The following MCM10 variants were observed in gnomAD, a reference collection of about 807,000 sequenced individuals.
MCM10 encodes the protein minichromosome maintenance 10 replication initiation factor.
MCM10 carries 91 observed loss-of-function variants against 109.9 expected under a neutral mutation model. The observed-to-expected ratio is 0.83, with a 90% CI of 0.70 to 0.99. The LOEUF (loss-of-function observed/expected upper bound fraction) is 0.99, where lower values mean the gene tolerates loss of function less well. MCM10 is among the 50% of genes least tolerant of loss of function. The pLI is 0.00. For missense variants in MCM10, 1,077 were observed against 1,061.2 expected (o/e 1.01, Z -0.21); for synonymous variants, 380 against 387.2 (o/e 0.98, Z 0.22).
chr10:13,172,513 ATTTAT>A lies in MCM10; in HGVS notation c.454+40_454+44del. The A allele has an allele frequency of 6.2e-7, 1 of 1,605,656 alleles. No homozygotes were observed. Among genetic ancestry groups the A allele is most frequent in the South Asian group, 1.1e-5 (1 of 90,532 alleles). On this transcript the variant is annotated intron_variant, in intron 4 of 19. Coordinates refer to ENST00000378714, the MANE Select transcript of MCM10 (RefSeq NM_018518.5). This position sits in a 1 kb window ranked among gnomAD's most constrained non-coding sequence, Gnocchi z 5.2. ...GACTGTCATTCTGGCAATCGTGTGCATTTATTTTATTAGAAATTATCACATCATTT... is the reference window on the plus strand; with the variant it reads ...GACTGTCATTCTGGCAATCGTGTGCATTTATTAGAAATTATCACATCATTT...
chr10:13,163,074 C>CAA (rs34121679), intron 1 of MCM10, among the ~76,000 whole-genome samples: 14 of 115,572 alleles, frequency 1.2e-4, no homozygotes, highest in Admixed American at 3.7e-4. Flanking sequence ...GACTCCGTCT[C>CAA]AAAAAAAAAA....
At chr10:13,207,260 G>A (rs535555508) in intron 18 of MCM10, among the ~76,000 whole-genome samples, 8 of 152,328 alleles carry the variant, frequency 5.3e-5, no homozygotes, top group Middle Eastern at 3.4e-3. Flanking sequence ...AACTGGGCAC[G>A]GCTGTGTTCA....
At position 13,175,649 on chromosome 10, in the gene MCM10, C is replaced by A; in HGVS notation, c.732C>A (p.Ile244=). ...PGSSGETTQP[I]CVEAFSGLRL... ...GTTCTGGGGAAACGACTCAACCCAT[C>A]TGTGTGGAAGCCTTCTCTGGTCTGC... The change falls in exon 6 of 20, where the codon ATC becomes ATA. Residue 244 remains isoleucine (I), a synonymous_variant. Transcript: ENST00000378714. 6.2e-7 allele frequency: 1 copy of A among 1,612,556 alleles called. No individual in the cohort carries two copies. Among genetic ancestry groups the A allele is most frequent in the Non-Finnish European group, 8.5e-7 (1 of 1,178,912 alleles).
intron 17 of MCM10, 61 bp downstream of exon 17, chr10:13,201,595 C>T: frequency 8.1e-7 from 1 of 1,230,246 alleles, no homozygotes. Context: ...TGTGACTCGG[C>T]AGCATGTGGA....
intron 2 of MCM10, among the ~76,000 whole-genome samples, chr10:13,169,372 T>C (rs1324917627): frequency 6.6e-6 from 1 of 152,218 alleles, no homozygotes; most frequent in African/African-American, 2.4e-5. Flanking sequence ...GTCAGCATCC[T>C]TGATTTCCTT....
chr10:13,180,717 A>G, intron 7 of MCM10, 110 bp downstream of exon 7: 1 of 1,277,890 alleles, frequency 7.8e-7, no homozygotes, highest in South Asian at 1.3e-5. Context: ...AGAAATAAGT[A>G]TAGTAAGTTC....
intron 15 of MCM10, 21 bp from the exon 16 acceptor site, chr10:13,198,668 T>C (rs747386452): frequency 4.6e-6 from 7 of 1,526,240 alleles, no homozygotes; most frequent in East Asian, 4.5e-5. Flanking sequence ...TCGCTGCTAA[T>C]GTTTGTTCCT....
At position 13,183,048 on chromosome 10, in the gene MCM10, T is replaced by C; in HGVS notation, c.1046T>C (p.Val349Ala). ...KALWKTEQGT[V>A]VGILNANPMK... ...CTCTGGAAGACGGAGCAGGGGACTGTCGTAGGGATCCTCAATGCCAACCCC... is the reference window on the plus strand; with the variant it reads ...CTCTGGAAGACGGAGCAGGGGACTGCCGTAGGGATCCTCAATGCCAACCCC... The change falls in exon 8 of 20, where the codon GTC (valine) becomes GCC (alanine). Residue 349 changes from valine (V) to alanine (A), a missense_variant. Coordinates refer to ENST00000378714, the MANE Select transcript of MCM10 (RefSeq NM_018518.5). 6.2e-7 allele frequency: 1 copy of C among 1,614,160 alleles called. No homozygotes were observed. The highest frequency in any genetic ancestry group is 1.1e-5 in the South Asian group (1 of 91,080).
chr10:13,183,914 A>C (rs573368273), intron 8 of MCM10, among the ~76,000 whole-genome samples: 7 of 152,056 alleles, frequency 4.6e-5, no homozygotes, highest in Non-Finnish European at 1.0e-4. Context: ...GCTGGAGTGC[A>C]ATGGCGTGAT....
chr10:13,169,853 G>A (rs756804240), intron 2 of MCM10, among the ~76,000 whole-genome samples: 3 of 152,102 alleles, frequency 2.0e-5, no homozygotes, highest in Non-Finnish European at 4.4e-5. Context: ...TTACAGGCAC[G>A]GGCCACCACG....
chr10:13,196,844 T>G (rs1467700726), intron 14 of MCM10, among the ~76,000 whole-genome samples: 1 of 152,118 alleles, frequency 6.6e-6, no homozygotes, highest in Non-Finnish European at 1.5e-5. Flanking sequence ...AGATTCATAC[T>G]TTGCAGATAT....
chr10:13,196,013 C>T (rs183219527), intron 14 of MCM10, among the ~76,000 whole-genome samples: 11 of 152,204 alleles, frequency 7.2e-5, no homozygotes, highest in Non-Finnish European at 1.0e-4. Flanking sequence ...GATTCATCCA[C>T]CTGCCTCAGC....
chr10:13,201,812 G>T (rs964959478), intron 17 of MCM10: 13 of 355,038 alleles, frequency 3.7e-5, no homozygotes, highest in Non-Finnish European at 1.0e-5. Context: ...TGGACCACTG[G>T]GTCCGCGTGG....
chr10:13,166,680 ATATAT>A (rs1564379626), intron 2 of MCM10, among the ~76,000 whole-genome samples: 9 of 133,322 alleles, frequency 6.8e-5, no homozygotes, highest in South Asian at 4.9e-4. Flanking sequence ...ATATATATAT[ATATAT>A]ATATCATCAG....
At chr10:13,177,588 C>G (rs915172996) in intron 6 of MCM10, among the ~76,000 whole-genome samples, 1 of 148,450 alleles carries the variant, frequency 6.7e-6, no homozygotes, top group Non-Finnish European at 1.5e-5. Context: ...GAACCTTTCC[C>G]TAGCTGGGCA....
intron 13 of MCM10, among the ~76,000 whole-genome samples, chr10:13,194,140 G>C (rs549939918): frequency 6.6e-6 from 1 of 152,318 alleles, no homozygotes; most frequent in Admixed American, 6.5e-5. Context: ...GAGGCAGGCA[G>C]ATCGCCTGAG....
intron 1 of MCM10, among the ~76,000 whole-genome samples, 193 bp from the exon 2 acceptor site, chr10:13,163,934 TA>T (rs1053786391): frequency 5.3e-5 from 8 of 152,070 alleles, no homozygotes; most frequent in Non-Finnish European, 1.2e-4. Context: ...TAAACACAAG[TA>T]AAAGTGAGCT....
intron 13 of MCM10, among the ~76,000 whole-genome samples, chr10:13,194,471 G>A (rs1347107464): frequency 2.0e-5 from 3 of 152,194 alleles, no homozygotes; most frequent in African/African-American, 7.2e-5. Flanking sequence ...ACTTGAACCT[G>A]GGAGGCAGAG....
At chr10:13,205,096 C>T (rs1308142098) in intron 18 of MCM10, among the ~76,000 whole-genome samples, 2 of 127,300 alleles carry the variant, frequency 1.6e-5, no homozygotes, top group African/African-American at 5.8e-5. Flanking sequence ...ATTTTGTTAC[C>T]TGGATAGTTT....
Sources: gnomAD v4.1 joint callset for allele counts (sites outside exome capture counted in the v4.1 genomes callset) on GRCh38, gnomAD v4.1.1 for gene constraint, Gnocchi (gnomAD v3.1) non-coding constraint, MANE v1.5 for transcripts, NCBI Gene and HGNC (gene_info 2026-07-23, HGNC 2026-07-21) for gene names.